The following SEMA3E variants were observed in gnomAD, a reference collection of about 807,000 sequenced individuals.
SEMA3E encodes semaphorin-3E.
SEMA3E carries 49 observed loss-of-function variants against 93.6 expected under a neutral mutation model. That is an observed-to-expected ratio of 0.52 (90% CI 0.42 to 0.66). The LOEUF (loss-of-function observed/expected upper bound fraction) is 0.66, where lower values mean the gene tolerates loss of function less well. SEMA3E is among the 30% of genes least tolerant of loss of function. The probability of loss-of-function intolerance (pLI) is 0.00; values close to 1 mark genes in which losing one functional copy is unlikely to be tolerated. For synonymous variants in SEMA3E, 363 were observed against 330.7 expected, an observed-to-expected ratio of 1.10 and a Z score of -1.06; for missense variants, 906 against 964.8, an observed-to-expected ratio of 0.94 and a Z score of 0.81.
intron 4 of SEMA3E, among the ~76,000 whole-genome samples, chr7:83,463,693 G>A (rs1584265831): frequency 6.6e-6 from 1 of 152,166 alleles, no homozygotes; most frequent in Non-Finnish European, 1.5e-5. Context: ...GCAAAGGCAG[G>A]TTATACTATA....
At chr7:83,621,762 A>C (rs1231371443) in intron 1 of SEMA3E, among the ~76,000 whole-genome samples, 1 of 152,184 alleles carries the variant, frequency 6.6e-6, no homozygotes, top group Non-Finnish European at 1.5e-5. Context: ...TGTTTAATAA[A>C]TGGTGCTGGG....
chr7:83,591,210 T>C (rs1420354183), intron 1 of SEMA3E, among the ~76,000 whole-genome samples: 1 of 150,970 alleles, frequency 6.6e-6, no homozygotes, highest in East Asian at 1.9e-4. Context: ...ATAAGCAAAA[T>C]ATAAACACAC....
chr7:83,547,908 C>A (rs1791683969), intron 1 of SEMA3E, among the ~76,000 whole-genome samples: 1 of 152,050 alleles, frequency 6.6e-6, no homozygotes, highest in African/African-American at 2.4e-5. Flanking sequence ...AATCTTTCAA[C>A]AGAAAATAAA....
intron 9 of SEMA3E, 74 bp downstream of exon 9, chr7:83,405,376 T>A: frequency 1.9e-6 from 2 of 1,062,018 alleles, no homozygotes; most frequent in Admixed American, 3.5e-5. Context: ...TCAACTTATA[T>A]ACACCATGAA....
chr7:83,538,977 T>C (rs996384732), intron 1 of SEMA3E, among the ~76,000 whole-genome samples: 1 of 152,134 alleles, frequency 6.6e-6, no homozygotes, highest in Non-Finnish European at 1.5e-5. Context: ...CTCAAATACT[T>C]TGTAAGACTC....
Position 83,619,941 on chromosome 7 carries a change from A to AGATAGATAGATAGATAGATG in SEMA3E, c.115+28486_115+28487insCATCTATCTATCTATCTATC, listed in dbSNP as rs1191709674. Among the ~76,000 whole-genome samples the AGATAGATAGATAGATAGATG allele has an allele frequency of 2.6e-5, 4 of 152,018 alleles. No individual in the cohort carries two copies. The South Asian group carries it at 8.3e-4, about 32-fold the overall frequency. Reference sequence around the variant, plus strand: ...TAGATAGACAGATAGATAGATAGATAGATGCAAAACCATGTTTGCTCTTTT... The same window carrying AGATAGATAGATAGATAGATG: ...TAGATAGACAGATAGATAGATAGATAGATAGATAGATAGATAGATGGATGCAAAACCATGTTTGCTCTTTT... On this transcript the variant is annotated intron_variant, in intron 1 of 16. Transcript: ENST00000643230.
intron 1 of SEMA3E, among the ~76,000 whole-genome samples, chr7:83,547,575 G>A (rs1295901026): frequency 1.3e-5 from 2 of 152,060 alleles, no homozygotes; most frequent in Non-Finnish European, 2.9e-5. Context: ...GTCCGCTGTG[G>A]TCAGACATAC....
At position 83,549,932 on chromosome 7, in the gene SEMA3E, T is replaced by A. The variant is rs144673298; in HGVS notation, c.116-59658A>T. 5.4e-4 allele frequency among the ~76,000 whole-genome samples: 82 copies of A among 152,184 alleles called. 2 individuals are homozygous for A. The East Asian group carries it at 0.015, about 27-fold the overall frequency. Reference sequence around the variant, plus strand: ...GGAGTTTCATTTCCAAAATCAATCTTTTTCTAGGTTAAAGCATCCACATTA... The same window carrying A: ...GGAGTTTCATTTCCAAAATCAATCTATTTCTAGGTTAAAGCATCCACATTA... On this transcript the variant is annotated intron_variant, in intron 1 of 16. Transcript: ENST00000643230.
chr7:83,612,566 A>T (rs1793286945), intron 1 of SEMA3E: 2 of 152,266 alleles, frequency 1.3e-5, no homozygotes, highest in South Asian at 4.1e-4. Context: ...AAAAATAAGC[A>T]AATAAAAATA....
intron 2 of SEMA3E, among the ~76,000 whole-genome samples, chr7:83,476,119 C>T (rs949336291): frequency 7.2e-5 from 11 of 152,322 alleles, no homozygotes; most frequent in Admixed American, 6.5e-4. Flanking sequence ...CAGTGCCTAT[C>T]TGGCACAGTG....
chr7:83,392,938 G>A (rs1007934079), intron 13 of SEMA3E, among the ~76,000 whole-genome samples: 7 of 150,272 alleles, frequency 4.7e-5, no homozygotes, highest in African/African-American at 1.7e-4. Flanking sequence ...GCATGGTGGC[G>A]GATGCCTGTA....
intron 1 of SEMA3E, among the ~76,000 whole-genome samples, chr7:83,619,142 T>C (rs1793491454): frequency 6.6e-6 from 1 of 151,872 alleles, no homozygotes; most frequent in Non-Finnish European, 1.5e-5. Flanking sequence ...TAATCTCTTC[T>C]GGATGCTTAT....
chr7:83,584,420 A>T (rs1254665514), intron 1 of SEMA3E, among the ~76,000 whole-genome samples: 2 of 152,186 alleles, frequency 1.3e-5, no homozygotes, highest in Non-Finnish European at 2.9e-5. Context: ...TTAATGATTC[A>T]TTGACAGATT....
chr7:83,588,726 T>C (rs2115936930), intron 1 of SEMA3E, among the ~76,000 whole-genome samples: 1 of 152,314 alleles, frequency 6.6e-6, no homozygotes, highest in African/African-American at 2.4e-5. Context: ...TAAATTGTAG[T>C]ACATATTTAC....
At chr7:83,392,442 A>G (rs2115580683) in intron 14 of SEMA3E, 113 bp downstream of exon 14, 3 of 1,196,208 alleles carry the variant, frequency 2.5e-6, no homozygotes, top group Middle Eastern at 3.8e-4. Context: ...CAGTCTCTGT[A>G]CACAATAATT....
chr7:83,595,962 C>T (rs553659424), intron 1 of SEMA3E, among the ~76,000 whole-genome samples: 102 of 152,104 alleles, frequency 6.7e-4, no homozygotes, highest in Middle Eastern at 3.4e-3. Context: ...AGCACCCTTC[C>T]TTGTGTCTTG....
At chr7:83,442,334 A>G (rs1274971489) in intron 4 of SEMA3E, among the ~76,000 whole-genome samples, 7 of 152,224 alleles carry the variant, frequency 4.6e-5, no homozygotes, top group East Asian at 1.9e-4. Context: ...CTTAGCCCCA[A>G]GGTTTGCTGA....
chr7:83,578,227 C>T (rs929714688), intron 1 of SEMA3E, among the ~76,000 whole-genome samples: 5 of 151,892 alleles, frequency 3.3e-5, no homozygotes, highest in Non-Finnish European at 7.4e-5. Flanking sequence ...TTTAATTTGG[C>T]TTAATGGCTA....
intron 1 of SEMA3E, among the ~76,000 whole-genome samples, chr7:83,597,088 C>T (rs924774609): frequency 1.3e-5 from 2 of 152,082 alleles, no homozygotes; most frequent in African/African-American, 4.8e-5. Flanking sequence ...TAATACTTAG[C>T]TTATAGAACC....
Sources: allele counts gnomAD v4.1 joint callset (sites outside exome capture counted in the v4.1 genomes callset), GRCh38; gene constraint gnomAD v4.1.1; transcripts MANE v1.5; gene names NCBI Gene and HGNC (gene_info 2026-07-23, HGNC 2026-07-21).